The following SEMA6D variants were observed in gnomAD, a reference collection of about 807,000 sequenced individuals.
SEMA6D encodes the protein semaphorin-6D.
In SEMA6D, 35 loss-of-function variants were observed where a neutral mutation model predicts 106.6. The observed-to-expected ratio is 0.33, with a 90% CI of 0.25 to 0.44. The LOEUF (loss-of-function observed/expected upper bound fraction) is 0.44, where lower values mean the gene tolerates loss of function less well. SEMA6D is among the 20% of genes least tolerant of loss of function. The pLI is 1.00. For synonymous variants in SEMA6D, 499 were observed against 487.7 expected (o/e 1.02, Z -0.31); for missense variants, 1,185 against 1,345.9 (o/e 0.88, Z 1.87).
At chr15:47,225,947 A>G (rs761448536) in intron 1 of SEMA6D, among the ~76,000 whole-genome samples, 15 of 152,092 alleles carry the variant, frequency 9.9e-5, no homozygotes, top group Non-Finnish European at 2.1e-4. Flanking sequence ...TAATGTTGCT[A>G]TATGAATTGA....
At chr15:47,201,047 G>A (rs1355504676) in intron 1 of SEMA6D, among the ~76,000 whole-genome samples, 1 of 152,172 alleles carries the variant, frequency 6.6e-6, no homozygotes, top group African/African-American at 2.4e-5. Context: ...AGAGCTAAGG[G>A]AAACTGTCTT....
At chr15:47,435,560 G>T (rs751930001) in intron 2 of SEMA6D, among the ~76,000 whole-genome samples, 3 of 152,054 alleles carry the variant, frequency 2.0e-5, no homozygotes, top group Non-Finnish European at 4.4e-5. Flanking sequence ...GTCTGTGGCT[G>T]CTGTGTGCTG....
chr15:47,388,728 G>T (rs76160456), intron 1 of SEMA6D, among the ~76,000 whole-genome samples: 2,456 of 152,180 alleles, frequency 0.016, 58 homozygotes, highest in African/African-American at 0.056. Flanking sequence ...ATCCACCACT[G>T]TATAAATTAA....
intron 1 of SEMA6D, among the ~76,000 whole-genome samples, chr15:47,384,834 T>TTTG (rs2039772072): frequency 6.9e-6 from 1 of 145,706 alleles, no homozygotes; most frequent in East Asian, 2.0e-4. Context: ...TTTTTTTTTT[T>TTTG]TTTTTTTTTT....
At chr15:47,765,306 T>G in intron 13 of SEMA6D, 3 of 1,266,906 alleles carry the variant, frequency 2.4e-6, no homozygotes, top group Non-Finnish European at 3.0e-6. Context: ...TATGAGAACA[T>G]TTTAACAGCA....
At chr15:47,187,741 T>G (rs1002284215) in intron 1 of SEMA6D, among the ~76,000 whole-genome samples, 1 of 152,158 alleles carries the variant, frequency 6.6e-6, no homozygotes, top group Non-Finnish European at 1.5e-5. Context: ...TTCTCCTATG[T>G]CATAAATTTA....
At chr15:47,393,927 A>T (rs557907702) in intron 1 of SEMA6D, among the ~76,000 whole-genome samples, 3 of 152,190 alleles carry the variant, frequency 2.0e-5, no homozygotes, top group African/African-American at 7.2e-5. Context: ...GGTATAATTA[A>T]TGCTATCTTT....
intron 1 of SEMA6D, among the ~76,000 whole-genome samples, chr15:47,318,024 C>CTTTTTTTTTT (rs71425594): frequency 2.6e-5 from 3 of 116,940 alleles, no homozygotes; most frequent in Non-Finnish European, 5.3e-5. Context: ...TCCCACAGTT[C>CTTTTTTTTTT]TTTTTTTTTT....
chr15:47,463,234 C>A (rs1190576221), intron 2 of SEMA6D, among the ~76,000 whole-genome samples: 1 of 152,026 alleles, frequency 6.6e-6, no homozygotes, highest in Admixed American at 6.6e-5. Flanking sequence ...GTAATTTTCC[C>A]CTAGAAATAT....
chr15:47,701,460 A>G (rs2078810313), intron 4 of SEMA6D, among the ~76,000 whole-genome samples: 1 of 152,174 alleles, frequency 6.6e-6, no homozygotes. Context: ...TGGTGACTAT[A>G]GTTAATAACA....
chr15:47,771,675 C>G lies in SEMA6D; in HGVS notation c.3112C>G (p.Pro1038Ala). ...CAGCTACACCAGTAATGGCACTCTT[C>G]CTAGGACGGGACTAAAGAGGACGCC... ...QSSYTSNGTL[P>A]RTGLKRTPSL... The change falls in exon 19 of 19, where the codon CCT (proline) becomes GCT (alanine). Residue 1038 changes from proline (P) to alanine (A), a missense_variant. Pro to Ala is a conservative substitution (Grantham distance 27). Around this residue, in one of 3 missense-constraint regions of SEMA6D, gnomAD observed 750 missense variants for 783.5 expected, o/e 0.96. Coordinates refer to ENST00000536845, the MANE Select transcript of SEMA6D (RefSeq NM_001358351.3). 1 of 1,614,126 alleles carries G rather than the reference C, an allele frequency of 6.2e-7. No homozygotes were observed. The highest frequency in any genetic ancestry group is 1.3e-5 in the African/African-American group (1 of 75,038).
chr15:47,623,117 A>G (rs540640220), intron 4 of SEMA6D, among the ~76,000 whole-genome samples: 2 of 152,248 alleles, frequency 1.3e-5, no homozygotes, highest in African/African-American at 4.8e-5. Context: ...TCAAGTTTCT[A>G]TCTGTGTGAA....
chr15:47,632,893 T>A (rs2077317323), intron 4 of SEMA6D, among the ~76,000 whole-genome samples: 1 of 152,044 alleles, frequency 6.6e-6, no homozygotes, highest in Admixed American at 6.5e-5. Flanking sequence ...CTTGATTTAT[T>A]TATGGTGTGT....
intron 1 of SEMA6D, among the ~76,000 whole-genome samples, chr15:47,347,504 C>T (rs757903566): frequency 2.6e-4 from 39 of 152,206 alleles, no homozygotes; most frequent in Non-Finnish European, 1.8e-4. Flanking sequence ...AGTGCAGGCA[C>T]TAGAAAGCTG....
At chr15:47,195,741 A>G (rs771455153) in intron 1 of SEMA6D, among the ~76,000 whole-genome samples, 10 of 152,082 alleles carry the variant, frequency 6.6e-5, no homozygotes, top group Non-Finnish European at 1.0e-4. Flanking sequence ...AACATTTATC[A>G]TGAATGAGCA....
chr15:47,654,853 T>A (rs1173775167), intron 4 of SEMA6D, among the ~76,000 whole-genome samples: 3 of 152,248 alleles, frequency 2.0e-5, no homozygotes, highest in Non-Finnish European at 4.4e-5. Flanking sequence ...CCATAAAACC[T>A]GCAGAACCAT....
intron 1 of SEMA6D, among the ~76,000 whole-genome samples, chr15:47,407,406 C>CAAAAAAAAAAAAAAAAAAA (rs1231097214): frequency 2.8e-5 from 3 of 105,812 alleles, no homozygotes; most frequent in African/African-American, 6.9e-5. Context: ...ACAACAACAA[C>CAAAAAAAAAAAAAAAAAAA]AACAAAAAAA....
chr15:47,394,320 G>C (rs143054592), intron 1 of SEMA6D, among the ~76,000 whole-genome samples: 368 of 152,234 alleles, frequency 2.4e-3, no homozygotes, highest in African/African-American at 8.6e-3. Context: ...AAAAAGAAAA[G>C]AAAAAGAAAA....
intron 1 of SEMA6D, among the ~76,000 whole-genome samples, chr15:47,321,049 T>A (rs2036902706): frequency 6.6e-6 from 1 of 152,208 alleles, no homozygotes; most frequent in Admixed American, 6.5e-5. Context: ...AGAAATATTT[T>A]TTCCCTCTAT....
Sources: gnomAD v4.1 joint callset for allele counts (sites outside exome capture counted in the v4.1 genomes callset) on GRCh38, gnomAD v4.1.1 for gene constraint, gnomAD v4.1.1 regional missense constraint, MANE v1.5 for transcripts, NCBI Gene and HGNC (gene_info 2026-07-23, HGNC 2026-07-21) for gene names.